The following ZNF75D variants were observed in gnomAD, a reference collection of about 807,000 sequenced individuals.
ZNF75D encodes the protein zinc finger protein 75D, also known as zinc finger protein 75.
ZNF75D carries 33 observed loss-of-function variants against 33.3 expected under a neutral mutation model. That is an observed-to-expected ratio of 0.99 (90% CI 0.75 to 1.32). ZNF75D has a LOEUF of 1.32. ZNF75D is among the 40% of genes most tolerant of loss of function. ZNF75D has a pLI of 0.00. For missense variants in ZNF75D, 338 were observed against 367.5 expected (o/e 0.92, Z 0.66); for synonymous variants, 113 against 130.6 (o/e 0.87, Z 0.92).
intron 1 of ZNF75D, among the ~76,000 whole-genome samples, chrX:135,302,772 T>C (rs989655296): frequency 2.7e-5 from 3 of 111,224 alleles, no homozygotes; most frequent in Admixed American, 9.5e-5. Flanking sequence ...CACCTGTGGG[T>C]GTTTCTTGTT....
intron 1 of ZNF75D, among the ~76,000 whole-genome samples, chrX:135,256,432 G>C (rs2083800256): frequency 9.0e-6 from 1 of 111,344 alleles, no homozygotes; most frequent in African/African-American, 3.3e-5. Context: ...TGTGTGGGGG[G>C]GTGCATTTGG....
At chrX:135,259,024 T>C (rs2083825509) in intron 1 of ZNF75D, among the ~76,000 whole-genome samples, 1 of 112,275 alleles carries the variant, frequency 8.9e-6, no homozygotes, top group Admixed American at 9.4e-5. Flanking sequence ...GCTAGCCAGT[T>C]TTCCCAGCAC....
chrX:135,277,830 C>T (rs2083905112), intron 1 of ZNF75D, among the ~76,000 whole-genome samples: 1 of 111,735 alleles, frequency 8.9e-6, no homozygotes, highest in Admixed American at 9.5e-5. Context: ...GGCCTCTGTT[C>T]TGTTACATTG....
At chrX:135,306,010 G>A (rs980684162) in intron 1 of ZNF75D, among the ~76,000 whole-genome samples, 2 of 111,492 alleles carry the variant, frequency 1.8e-5, no homozygotes, top group Non-Finnish European at 3.8e-5. Context: ...CAATGGCATA[G>A]TGTTTTAACA....
intron 4 of ZNF75D, 42 bp downstream of exon 4, chrX:135,292,239 C>A (rs2084053452): frequency 8.6e-7 from 1 of 1,157,643 alleles, no homozygotes; most frequent in South Asian, 1.9e-5. Context: ...CTAATTACTA[C>A]CACAGCTCCC....
chrX:135,324,958 G>A (rs1569494374), intron 1 of ZNF75D, among the ~76,000 whole-genome samples: 5 of 110,877 alleles, frequency 4.5e-5, no homozygotes, highest in Admixed American at 2.8e-4. Context: ...GTAGAGACCA[G>A]CTTAAGACTC....
intron 1 of ZNF75D, among the ~76,000 whole-genome samples, chrX:135,257,340 G>C (rs1299233598): frequency 3.6e-5 from 4 of 112,200 alleles, no homozygotes; most frequent in African/African-American, 1.3e-4. Flanking sequence ...GCTGATGGAA[G>C]AGCCCTTGGG....
chrX:135,327,378 T>G (rs782745819), intron 1 of ZNF75D, among the ~76,000 whole-genome samples: 1 of 111,813 alleles, frequency 8.9e-6, no homozygotes, highest in South Asian at 3.8e-4. Context: ...AGAGGAAAAA[T>G]TAATTTCTCT....
intron 1 of ZNF75D, among the ~76,000 whole-genome samples, chrX:135,296,827 T>C (rs782753379): frequency 1.8e-4 from 20 of 112,205 alleles, no homozygotes; most frequent in African/African-American, 6.5e-4. Context: ...CAGGGTCACA[T>C]AGATTACCAG....
intron 1 of ZNF75D, among the ~76,000 whole-genome samples, chrX:135,311,826 A>G (rs372846735): frequency 8.9e-6 from 1 of 112,092 alleles, no homozygotes; most frequent in African/African-American, 3.2e-5. Flanking sequence ...TTCACTTAGC[A>G]AAATGTCCCC....
At chrX:135,280,487 A>G (rs1321087873) in intron 1 of ZNF75D, among the ~76,000 whole-genome samples, 10 of 111,810 alleles carry the variant, frequency 8.9e-5, no homozygotes, top group African/African-American at 3.3e-4. Context: ...GCCCATTTAC[A>G]TTTAAGGTTA....
chrX:135,294,126 C>G lies in ZNF75D; in HGVS notation c.15G>C (p.Glu5Asp). 1 of 1,192,518 alleles carries G rather than the reference C, an allele frequency of 8.4e-7. No homozygotes were observed. The highest frequency in any genetic ancestry group is 1.1e-6 in the Non-Finnish European group (1 of 886,361). Reference sequence around the variant, plus strand: ...GGCTTGAGCATGAATCCGCGTTCAGCTCTCTCATCGCCATTTGCTCTAGGA... The same window carrying G: ...GGCTTGAGCATGAATCCGCGTTCAGGTCTCTCATCGCCATTTGCTCTAGGA... MAMR[E>D]LNADSCSSPQ... Residue 5 changes from glutamate to aspartate, a missense_variant, in exon 3 of 7, where the codon GAG becomes GAC. By Grantham distance (45) the Glu-to-Asp change is conservative. This residue lies in a region of ZNF75D where 254 missense variants were observed against 267.7 expected (regional missense o/e 0.95). Transcript: ENST00000370766.
At chrX:135,258,394 C>T (rs2083819699) in intron 1 of ZNF75D, among the ~76,000 whole-genome samples, 1 of 110,521 alleles carries the variant, frequency 9.0e-6, no homozygotes, top group Non-Finnish European at 1.9e-5. Flanking sequence ...ATGGTTGAAC[C>T]AATTTACACT....
At chrX:135,327,290 G>A (rs146228655) in intron 1 of ZNF75D, among the ~76,000 whole-genome samples, 5,057 of 112,674 alleles carry the variant, frequency 0.045, 117 homozygotes, top group Middle Eastern at 0.073. Context: ...GTATCTAGAT[G>A]TTTTATCTCC....
At chrX:135,315,562 G>C (rs976032031) in intron 1 of ZNF75D, among the ~76,000 whole-genome samples, 4 of 111,688 alleles carry the variant, frequency 3.6e-5, no homozygotes, top group Non-Finnish European at 7.5e-5. Flanking sequence ...TACTGTATTA[G>C]AGTCTAAATC....
At chrX:135,307,832 C>T (rs73557206) in intron 1 of ZNF75D, among the ~76,000 whole-genome samples, 227 of 112,673 alleles carry the variant, frequency 2.0e-3, no homozygotes, top group African/African-American at 7.0e-3. Context: ...ATGACCAAAA[C>T]TGGATGCAGA....
At position 135,269,823 on chromosome X, in the gene ZNF75D, C is replaced by A. The variant is rs541206260; in HGVS notation, n.828-14046G>T. Reference sequence around the variant, plus strand: ...TTTATTGCCGCACTGGTCACAATAACTAAGATTTGGAAGCAACCTAAGTGT... The same window carrying A: ...TTTATTGCCGCACTGGTCACAATAAATAAGATTTGGAAGCAACCTAAGTGT... On this transcript the variant is annotated intron_variant and non_coding_transcript_variant, in intron 1 of 3. Coordinates refer to the ZNF75D transcript ENST00000494295. Among the ~76,000 whole-genome samples, 25 of 111,623 alleles carry A rather than the reference C, an allele frequency of 2.2e-4. No individual in the cohort carries two copies. The South Asian group carries it at 9.4e-3, about 42-fold the overall frequency.
At chrX:135,329,277 A>G (rs1025725029) in intron 1 of ZNF75D, among the ~76,000 whole-genome samples, 1 of 109,915 alleles carries the variant, frequency 9.1e-6, no homozygotes, top group Non-Finnish European at 1.9e-5. Flanking sequence ...TGCCTTTTTA[A>G]AAATTATTTA....
intron 5 of ZNF75D, 76 bp downstream of exon 5, chrX:135,291,396 A>C: frequency 9.0e-7 from 1 of 1,107,287 alleles, no homozygotes. Flanking sequence ...GGACACTATG[A>C]GTCCTAGGCA....
Sources: allele counts gnomAD v4.1 joint callset (sites outside exome capture counted in the v4.1 genomes callset), GRCh38; gene constraint gnomAD v4.1.1; regional missense constraint gnomAD v4.1.1; transcripts MANE v1.5; gene names NCBI Gene and HGNC (gene_info 2026-07-23, HGNC 2026-07-21).